Variants in EPB41L4A observed in about 807,000 individuals in gnomAD.
EPB41L4A encodes erythrocyte membrane protein band 4.1 like 4A.
In EPB41L4A, 100 loss-of-function variants were observed where a neutral mutation model predicts 108.6. That is an observed-to-expected ratio of 0.92 (90% CI 0.78 to 1.09). The LOEUF is 1.09. Among genes scored for constraint, EPB41L4A ranks in the 50% least tolerant of loss-of-function variants. The pLI, the probability that EPB41L4A is intolerant of heterozygous loss-of-function variation, is 0.00. For synonymous variants in EPB41L4A, 319 were observed against 289.0 expected (o/e 1.10, Z -1.05); for missense variants, 1,030 against 842.7 (o/e 1.22, Z -2.75).
At chr5:112,334,985 G>A (rs981443648) in intron 1 of EPB41L4A, among the ~76,000 whole-genome samples, 2 of 152,056 alleles carry the variant, frequency 1.3e-5, no homozygotes, top group Non-Finnish European at 2.9e-5. Flanking sequence ...ACAAAACACT[G>A]GCCTATACTA....
At chr5:112,371,046 G>A (rs1221373969) in intron 1 of EPB41L4A, among the ~76,000 whole-genome samples, 1 of 152,192 alleles carries the variant, frequency 6.6e-6, no homozygotes, top group African/African-American at 2.4e-5. Context: ...CACTATTTTA[G>A]GTGGTGGAGA....
chr5:112,418,926 C>A lies in EPB41L4A; in HGVS notation c.99+15G>T. The A allele has an allele frequency of 6.2e-7, 1 of 1,608,544 alleles. No individual in the cohort carries two copies. The highest frequency in any genetic ancestry group is 8.5e-7 in the Non-Finnish European group (1 of 1,175,884). On this transcript the variant is annotated intron_variant, in intron 1 of 22. Coordinates refer to ENST00000261486, the MANE Select transcript of EPB41L4A (RefSeq NM_022140.5). ...CTGCCGCCAACCCCCGGAACGCGCT[C>A]CGGGCCGCACCCACCTTGATGCCCT...
At chr5:112,197,365 A>G (rs1762014356) in intron 15 of EPB41L4A, among the ~76,000 whole-genome samples, 1 of 152,048 alleles carries the variant, frequency 6.6e-6, no homozygotes, top group African/African-American at 2.4e-5. Context: ...ACGTTACTCC[A>G]TTTCCTCCAA....
intron 9 of EPB41L4A, among the ~76,000 whole-genome samples, chr5:112,242,350 C>G (rs999255105): frequency 6.6e-6 from 1 of 152,216 alleles, no homozygotes; most frequent in Non-Finnish European, 1.5e-5. Flanking sequence ...TAGATTCCAA[C>G]TCAAGAACCA....
intron 1 of EPB41L4A, among the ~76,000 whole-genome samples, chr5:112,307,746 G>A (rs989351140): frequency 1.3e-5 from 2 of 151,536 alleles, no homozygotes; most frequent in African/African-American, 4.8e-5. Flanking sequence ...CTTTCTTCTG[G>A]GATTATAAAT....
intron 17 of EPB41L4A, chr5:112,191,885 T>A (rs909685206): frequency 6.6e-6 from 1 of 152,142 alleles, no homozygotes; most frequent in African/African-American, 2.4e-5. Flanking sequence ...GCAGGGTGCA[T>A]CGGCGTGCAG....
chr5:112,224,697 G>A (rs1275709604), intron 12 of EPB41L4A, among the ~76,000 whole-genome samples: 1 of 152,066 alleles, frequency 6.6e-6, no homozygotes, highest in Non-Finnish European at 1.5e-5. Context: ...CAATTAAATG[G>A]CTTAAATAAT....
In EPB41L4A at chr5:112,204,392, T is replaced by C. The variant is rs760655706; in HGVS notation, c.1359A>G (p.Val453=). 3.9e-5 allele frequency: 63 copies of C among 1,612,936 alleles called. No homozygotes were observed. Among genetic ancestry groups the C allele is most frequent in the Non-Finnish European group, 5.3e-5 (62 of 1,178,984 alleles). ...NPSCGSDNDS[V]QPVRRRKAHN... ...CCGCTTACCTCCTCCTCACAGGCTGTACAGAATCATTGTCACTTCCACAGG... is the reference window on the plus strand; with the variant it reads ...CCGCTTACCTCCTCCTCACAGGCTGCACAGAATCATTGTCACTTCCACAGG... The change falls in exon 15 of 23, where the codon GTA becomes GTG. Residue 453 remains valine, a synonymous_variant. Coordinates refer to ENST00000261486, the MANE Select transcript of EPB41L4A (RefSeq NM_022140.5).
At chr5:112,312,095 G>A (rs1248100914) in intron 1 of EPB41L4A, among the ~76,000 whole-genome samples, 1 of 152,178 alleles carries the variant, frequency 6.6e-6, no homozygotes, top group African/African-American at 2.4e-5. Flanking sequence ...CAGCAGAAAT[G>A]TTAGGGTTTT....
chr5:112,341,023 G>T (rs1264247638), intron 1 of EPB41L4A, among the ~76,000 whole-genome samples: 3 of 152,090 alleles, frequency 2.0e-5, no homozygotes, highest in African/African-American at 4.8e-5. Flanking sequence ...AAGGTCCTCT[G>T]CAAGCACCAC....
In EPB41L4A at chr5:112,264,992, T is replaced by C. The variant is rs1379249996; in HGVS notation, c.458A>G (p.Tyr153Cys). Residue 153 changes from tyrosine (Y) to cysteine (C), a missense_variant, in exon 6 of 23, where the codon TAT becomes TGT. Coordinates refer to ENST00000261486, the MANE Select transcript of EPB41L4A (RefSeq NM_022140.5). ...IQSELGDYDP[Y>C]KHTAGYVSEY... ...AGATACATATCCTGCAGTATGTTTA[T>C]ATGGGTCATAATCTCCAAGCTCCGC... 4 of 1,605,712 alleles carry C rather than the reference T, an allele frequency of 2.5e-6. No homozygotes were observed. Among genetic ancestry groups the C allele is most frequent in the Non-Finnish European group, 3.4e-6 (4 of 1,177,488 alleles).
chr5:112,222,992 A>G (rs925064189), intron 12 of EPB41L4A, among the ~76,000 whole-genome samples: 2 of 148,248 alleles, frequency 1.3e-5, no homozygotes, highest in Non-Finnish European at 3.0e-5. Context: ...CCCAGGCTGG[A>G]GTGCAGTGGC....
intron 18 of EPB41L4A, among the ~76,000 whole-genome samples, chr5:112,172,944 T>G (rs1227226404): frequency 6.6e-6 from 1 of 152,220 alleles, no homozygotes; most frequent in African/African-American, 2.4e-5. Context: ...CATTGTAGCA[T>G]GATCAGTAGC....
intron 1 of EPB41L4A, among the ~76,000 whole-genome samples, chr5:112,324,193 GAA>G (rs890876816): frequency 5.3e-5 from 8 of 152,132 alleles, no homozygotes; most frequent in African/African-American, 1.9e-4. Context: ...TACAGGAAGA[GAA>G]AACTTAACAG....
intron 1 of EPB41L4A, among the ~76,000 whole-genome samples, chr5:112,378,235 C>T (rs1351859223): frequency 6.6e-6 from 1 of 151,388 alleles, no homozygotes; most frequent in Admixed American, 6.6e-5. Flanking sequence ...CCATCTGCAT[C>T]CTATCTTGGT....
rs182444069 is a variant in EPB41L4A at position 112,206,116 on chromosome 5, T to C, written c.1179-612A>G. 3 of 152,486 alleles carry C rather than the reference T, an allele frequency of 2.0e-5. No homozygotes were observed. In the East Asian group the frequency reaches 5.8e-4, roughly 29 times the overall value. The allele number at this position is 152,486 out of a possible 1,614,324, so 9.4% of individuals were successfully genotyped here. A position where few individuals can be genotyped will look rare whatever the true frequency, so the allele number is the denominator to read the frequency against. ...TTGTTCTACCCTCAACAAATTGTTTTAGAAACCCCTGGGGAGACATGGAGG... is the reference window on the plus strand; with the variant it reads ...TTGTTCTACCCTCAACAAATTGTTTCAGAAACCCCTGGGGAGACATGGAGG... On this transcript the variant is annotated intron_variant, in intron 13 of 22. Coordinates refer to ENST00000261486, the MANE Select transcript of EPB41L4A (RefSeq NM_022140.5).
intron 11 of EPB41L4A, among the ~76,000 whole-genome samples, chr5:112,236,350 G>C (rs1749329937): frequency 6.6e-6 from 1 of 152,204 alleles, no homozygotes; most frequent in Admixed American, 6.5e-5. Flanking sequence ...AGAAGGAACA[G>C]CACATGTAGC....
At chr5:112,261,812 T>A (rs368905515) in intron 7 of EPB41L4A, among the ~76,000 whole-genome samples, 1 of 152,068 alleles carries the variant, frequency 6.6e-6, no homozygotes. Flanking sequence ...ATTGTATTTA[T>A]GTTTTGCTGC....
At position 112,204,463 on chromosome 5, in the gene EPB41L4A, G is replaced by C. The variant is rs368831750; in HGVS notation, c.1288C>G (p.Arg430Gly). The change falls in exon 15 of 23, where the codon CGC becomes GGC. Residue 430 changes from arginine to glycine, a missense_variant. Coordinates refer to ENST00000261486, the MANE Select transcript of EPB41L4A (RefSeq NM_022140.5). ...TAAGGGAACTTTGGCGACTTAGTGC[G>C]ATCACTGGGAGAATTGTAGAGTCCA... Reference protein sequence around the residue: ...QSGLYNSPSDRTKSPKFPYTR... With the variant: ...QSGLYNSPSDGTKSPKFPYTR... 7 of 1,612,972 alleles carry C rather than the reference G, an allele frequency of 4.3e-6. No individual in the cohort carries two copies. Among genetic ancestry groups the C allele is most frequent in the African/African-American group, 1.3e-5 (1 of 74,832 alleles).
Sources: gnomAD v4.1 joint callset for allele counts (sites outside exome capture counted in the v4.1 genomes callset) on GRCh38, gnomAD v4.1.1 for gene constraint, MANE v1.5 for transcripts, NCBI Gene and HGNC (gene_info 2026-07-23, HGNC 2026-07-21) for gene names.